FAF1: variants seen among roughly 807,000 people sequenced by gnomAD.
FAF1 encodes Fas associated factor 1.
A neutral mutation model predicts 92.5 loss-of-function variants in FAF1; 25 were observed. The ratio of observed to expected loss-of-function variants is 0.27; its 90% CI spans 0.20 to 0.38. FAF1 has a LOEUF of 0.38. FAF1 is among the 10% of genes least tolerant of loss of function. The pLI, the probability that FAF1 is intolerant of heterozygous loss-of-function variation, is 1.00. For missense variants in FAF1, 636 were observed against 793.3 expected, an observed-to-expected ratio of 0.80 and a Z score of 2.38; for synonymous variants, 234 against 273.2, an observed-to-expected ratio of 0.86 and a Z score of 1.42.
chr1:50,557,189 A>C (rs142963905), intron 13 of FAF1, among the ~76,000 whole-genome samples: 59 of 152,290 alleles, frequency 3.9e-4, no homozygotes, highest in Middle Eastern at 3.4e-3. Flanking sequence ...GCTGAAAAGG[A>C]CTTTCTTGGT....
intron 8 of FAF1, among the ~76,000 whole-genome samples, chr1:50,621,283 G>A (rs973471990): frequency 6.6e-6 from 1 of 152,040 alleles, no homozygotes; most frequent in African/African-American, 2.4e-5. Context: ...CTGTGTACAC[G>A]CTCCTGCAAG....
At chr1:50,816,749 C>A (rs1257592861) in intron 2 of FAF1, among the ~76,000 whole-genome samples, 1 of 152,152 alleles carries the variant, frequency 6.6e-6, no homozygotes, top group Non-Finnish European at 1.5e-5. Flanking sequence ...AGTCATAATT[C>A]TTTGCCAAGA....
intron 7 of FAF1, among the ~76,000 whole-genome samples, chr1:50,690,555 C>T (rs776934576): frequency 2.0e-5 from 3 of 151,900 alleles, no homozygotes; most frequent in Admixed American, 6.6e-5. Context: ...GAGCTGAGAT[C>T]GTGCCACTGC....
chr1:50,851,594 C>A (rs1232360844), intron 2 of FAF1, among the ~76,000 whole-genome samples: 1 of 152,138 alleles, frequency 6.6e-6, no homozygotes, highest in Non-Finnish European at 1.5e-5. Context: ...TGCATTCAAC[C>A]ATGGGCACCA....
rs984813946 is a variant in FAF1 at position 50,575,322 on chromosome 1, T to A, written c.1113+7296A>T. On this transcript the variant is annotated intron_variant, in intron 12 of 18. Coordinates refer to ENST00000396153, the MANE Select transcript of FAF1 (RefSeq NM_007051.3). ...TAGGCAGATCTGATAATTGGAGAAT[T>A]AAAGGCAAATTCTAAGTGGTACTAA... Among the ~76,000 whole-genome samples the A allele has an allele frequency of 1.5e-4, 23 of 152,280 alleles. 1 individual carries two copies. Among genetic ancestry groups the A allele is most frequent in the Middle Eastern group, 6.8e-3 (2 of 294 alleles).
chr1:50,887,817 C>T (rs1199571374), intron 1 of FAF1, among the ~76,000 whole-genome samples: 1 of 152,128 alleles, frequency 6.6e-6, no homozygotes, highest in East Asian at 1.9e-4. Flanking sequence ...AACATGATGC[C>T]TCCAGCTTTG....
chr1:50,897,266 G>A (rs1644765254), intron 1 of FAF1, among the ~76,000 whole-genome samples: 1 of 152,182 alleles, frequency 6.6e-6, no homozygotes, highest in South Asian at 2.1e-4. Flanking sequence ...ACCCCCTTAT[G>A]AGGTAGTGTC....
chr1:50,576,334 T>A (rs1243046508), intron 12 of FAF1, among the ~76,000 whole-genome samples: 1 of 152,114 alleles, frequency 6.6e-6, no homozygotes, highest in Non-Finnish European at 1.5e-5. Flanking sequence ...GAGTACTGAG[T>A]CCCTTAATTT....
chr1:50,864,344 G>C (rs1174700305), intron 1 of FAF1, among the ~76,000 whole-genome samples: 4 of 151,172 alleles, frequency 2.6e-5, no homozygotes, highest in Non-Finnish European at 5.9e-5. Context: ...GGCATTTAGT[G>C]CTATAAATTT....
chr1:50,830,146 C>A (rs1474629789), intron 2 of FAF1, among the ~76,000 whole-genome samples: 1 of 152,148 alleles, frequency 6.6e-6, no homozygotes, highest in Non-Finnish European at 1.5e-5. Context: ...GAGACAGAGT[C>A]TTGCTGTGTT....
intron 2 of FAF1, among the ~76,000 whole-genome samples, chr1:50,838,061 T>C (rs1284992543): frequency 2.0e-5 from 3 of 151,932 alleles, no homozygotes; most frequent in African/African-American, 7.3e-5. Flanking sequence ...CTTTATACAA[T>C]GTGTCCCTTA....
At chr1:50,704,579 A>T (rs1033192356) in intron 7 of FAF1, among the ~76,000 whole-genome samples, 6 of 152,142 alleles carry the variant, frequency 3.9e-5, no homozygotes, top group Non-Finnish European at 8.8e-5. Context: ...TAAAAACACA[A>T]ATGATTCTTC....
chr1:50,808,109 C>T (rs955456958), intron 2 of FAF1, among the ~76,000 whole-genome samples: 9 of 152,026 alleles, frequency 5.9e-5, no homozygotes, highest in South Asian at 2.1e-4. Context: ...ATTCAGCATT[C>T]TTAAAGAAAA....
chr1:50,662,320 G>T (rs981653882), intron 7 of FAF1, among the ~76,000 whole-genome samples: 1 of 152,138 alleles, frequency 6.6e-6, no homozygotes, highest in African/African-American at 2.4e-5. Flanking sequence ...GCCTCTAAAT[G>T]AATTCTTCAT....
At chr1:50,738,813 T>A in intron 6 of FAF1, 50 bp downstream of exon 6, 1 of 1,267,392 alleles carries the variant, frequency 7.9e-7, no homozygotes, top group South Asian at 1.3e-5. Context: ...AAAGCAATTT[T>A]AACAACTGAG....
At chr1:50,921,083 T>A (rs1380265096) in intron 1 of FAF1, among the ~76,000 whole-genome samples, 1 of 152,140 alleles carries the variant, frequency 6.6e-6, no homozygotes, top group Admixed American at 6.5e-5. Context: ...ACAAAATACA[T>A]CTATGACAAA....
intron 4 of FAF1, among the ~76,000 whole-genome samples, chr1:50,751,918 T>C (rs1406626185): frequency 2.0e-5 from 3 of 152,224 alleles, no homozygotes; most frequent in African/African-American, 7.2e-5. Context: ...TTAGACAGAA[T>C]TCACCAGAAA....
intron 9 of FAF1, among the ~76,000 whole-genome samples, chr1:50,593,617 G>T (rs1207044569): frequency 6.6e-6 from 1 of 152,098 alleles, no homozygotes; most frequent in Admixed American, 6.5e-5. Flanking sequence ...AAAAAAAAAT[G>T]GTTTGGTCTC....
intron 7 of FAF1, among the ~76,000 whole-genome samples, chr1:50,690,365 G>A (rs1341973096): frequency 6.6e-6 from 1 of 152,050 alleles, no homozygotes; most frequent in Admixed American, 6.6e-5. Context: ...CAGTACTTTG[G>A]GAGGCCAAGG....
Sources: allele counts gnomAD v4.1 joint callset (sites outside exome capture counted in the v4.1 genomes callset), GRCh38; gene constraint gnomAD v4.1.1; transcripts MANE v1.5; gene names NCBI Gene and HGNC (gene_info 2026-07-23, HGNC 2026-07-21).